The following KCNMB4 variants were observed in gnomAD, a reference collection of about 807,000 sequenced individuals.
KCNMB4 encodes calcium-activated potassium channel subunit beta-4.
A neutral mutation model predicts 20.7 loss-of-function variants in KCNMB4; 3 were observed. The observed-to-expected ratio is 0.14, with a 90% confidence interval of 0.07 to 0.37. The LOEUF (loss-of-function observed/expected upper bound fraction) is 0.37, where lower values mean the gene tolerates loss of function less well. KCNMB4 is among the 10% of genes least tolerant of loss of function. The pLI is 1.00. For synonymous variants in KCNMB4, 110 were observed against 113.4 expected (o/e 0.97, Z 0.19); for missense variants, 168 against 265.9 (o/e 0.63, Z 2.56).
In KCNMB4 at chr12:70,409,047, G is replaced by T. The variant is rs146362390; in HGVS notation, c.464+8711G>T. Among the ~76,000 whole-genome samples, 292 of 152,146 alleles carry T rather than the reference G, an allele frequency of 1.9e-3. 3 individuals carry two copies. Among genetic ancestry groups the T allele is most frequent in the African/African-American group, 6.1e-3 (252 of 41,494 alleles). ...ACTATTCATTCTTCAATTCCCTTTG[G>T]ATCTAAAGGCCAAAAGGAGTGATCA... On this transcript the variant is annotated intron_variant, in intron 2 of 2. Transcript: ENST00000258111.
At chr12:70,427,095 A>G (rs1319260846) in intron 2 of KCNMB4, among the ~76,000 whole-genome samples, 1 of 152,194 alleles carries the variant, frequency 6.6e-6, no homozygotes, top group Non-Finnish European at 1.5e-5. Context: ...CCGTCATGCC[A>G]TTTATCCAGT....
chr12:70,378,196 T>C (rs767832232), intron 1 of KCNMB4, among the ~76,000 whole-genome samples: 7 of 152,050 alleles, frequency 4.6e-5, no homozygotes, highest in Admixed American at 6.5e-5. Flanking sequence ...CCTCAAATGA[T>C]CTGCCTGCCT....
At chr12:70,392,709 A>T (rs1382804606) in intron 1 of KCNMB4, among the ~76,000 whole-genome samples, 1 of 152,190 alleles carries the variant, frequency 6.6e-6, no homozygotes, top group Admixed American at 6.5e-5. Context: ...GGAAACCATC[A>T]TTCTCAGCAA....
Position 70,430,841 on chromosome 12 carries a change from A to G in KCNMB4, c.*188A>G. On this transcript the variant is annotated 3_prime_UTR_variant, in exon 3 of 3. Transcript: ENST00000258111. ...CTTGGAACCTCAAAGCTTGTATTCC[A>G]TCTGCTGTAGCAATGGCTAAAGGGT... The G allele has an allele frequency of 1.8e-6, 1 of 540,958 alleles. No homozygotes were observed. Among genetic ancestry groups the G allele is most frequent in the Non-Finnish European group, 3.2e-6 (1 of 317,038 alleles). The allele number at this position is 540,958 out of a possible 1,614,324, so 33.5% of individuals were successfully genotyped here.
intron 2 of KCNMB4, chr12:70,422,577 A>G (rs1408285652): frequency 1.8e-6 from 1 of 563,542 alleles, no homozygotes. Flanking sequence ...TGTATTTTCA[A>G]TGGAAGAGCA....
intron 2 of KCNMB4, among the ~76,000 whole-genome samples, chr12:70,406,067 TAA>T (rs1868592007): frequency 6.6e-6 from 1 of 152,106 alleles, no homozygotes; most frequent in Non-Finnish European, 1.5e-5. Context: ...ATGAAGTATC[TAA>T]AATAGTCAAA....
intron 1 of KCNMB4, among the ~76,000 whole-genome samples, chr12:70,385,361 A>G (rs1303836312): frequency 6.6e-6 from 1 of 152,156 alleles, no homozygotes; most frequent in East Asian, 1.9e-4. Context: ...CTACCTCCTC[A>G]ATCTGTTGAG....
Position 70,430,842 on chromosome 12 carries a change from T to C in KCNMB4, c.*189T>C. The C allele has an allele frequency of 1.9e-6, 1 of 537,962 alleles. No homozygotes were observed. Among genetic ancestry groups the C allele is most frequent in the Non-Finnish European group, 3.2e-6 (1 of 314,838 alleles). The allele number at this position is 537,962 out of a possible 1,614,324, so 33.3% of individuals were successfully genotyped here. A position where few individuals can be genotyped will look rare whatever the true frequency, so the allele number is the denominator to read the frequency against. On this transcript the variant is annotated 3_prime_UTR_variant, in exon 3 of 3. Transcript: ENST00000258111. ...TTGGAACCTCAAAGCTTGTATTCCA[T>C]CTGCTGTAGCAATGGCTAAAGGGTC...
chr12:70,400,102 C>T (rs1350471107), intron 1 of KCNMB4, 107 bp from the exon 2 acceptor site: 1 of 825,246 alleles, frequency 1.2e-6, no homozygotes, highest in Admixed American at 3.1e-5. Context: ...ATTAGGGAGG[C>T]CTAAATTAGA....
intron 2 of KCNMB4, chr12:70,422,914 C>A: frequency 9.9e-7 from 1 of 1,008,736 alleles, no homozygotes; most frequent in Non-Finnish European, 1.2e-6. Context: ...TTTCCCCAGG[C>A]CTCTACTTTA....
At chr12:70,427,542 A>G (rs1869245521) in intron 2 of KCNMB4, among the ~76,000 whole-genome samples, 1 of 152,258 alleles carries the variant, frequency 6.6e-6, no homozygotes, top group Non-Finnish European at 1.5e-5. Context: ...TGAAGTAATT[A>G]CAAATTCAGT....
intron 1 of KCNMB4, among the ~76,000 whole-genome samples, chr12:70,391,551 C>T (rs1388986223): frequency 6.6e-6 from 1 of 152,212 alleles, no homozygotes; most frequent in Admixed American, 6.5e-5. Context: ...AGCAGTCCCC[C>T]TGCCTTGGCC....
intron 2 of KCNMB4, among the ~76,000 whole-genome samples, chr12:70,411,916 G>A (rs1868789679): frequency 6.6e-6 from 1 of 152,170 alleles, no homozygotes; most frequent in Non-Finnish European, 1.5e-5. Flanking sequence ...TTAGAAAGAT[G>A]AGTCTAGTGG....
intron 2 of KCNMB4, among the ~76,000 whole-genome samples, chr12:70,424,441 A>AG (rs1424260556): frequency 4.1e-5 from 2 of 48,930 alleles, no homozygotes; most frequent in Non-Finnish European, 7.4e-5. Context: ...ACTCCATCTC[A>AG]GAAAAAAAAA....
intron 1 of KCNMB4, among the ~76,000 whole-genome samples, chr12:70,384,622 T>C (rs1481049739): frequency 1.3e-5 from 2 of 152,218 alleles, no homozygotes; most frequent in African/African-American, 2.4e-5. Flanking sequence ...TAGTGGCTCA[T>C]GCCTGTAATC....
At chr12:70,368,792 T>C (rs1883539853) in intron 1 of KCNMB4, among the ~76,000 whole-genome samples, 1 of 152,152 alleles carries the variant, frequency 6.6e-6, no homozygotes. Flanking sequence ...AATAAATGGC[T>C]AATATCTAAT....
intron 2 of KCNMB4, among the ~76,000 whole-genome samples, chr12:70,408,208 C>T (rs1449867718): frequency 1.3e-5 from 2 of 152,074 alleles, no homozygotes; most frequent in African/African-American, 4.8e-5. Context: ...CGGAGTTTGG[C>T]TCTTTTACCA....
intron 2 of KCNMB4, among the ~76,000 whole-genome samples, chr12:70,419,566 A>G (rs530497282): frequency 6.6e-6 from 1 of 152,346 alleles, no homozygotes; most frequent in African/African-American, 2.4e-5. Flanking sequence ...AATTAAAAAA[A>G]AATATTCAAA....
intron 1 of KCNMB4, among the ~76,000 whole-genome samples, chr12:70,376,638 C>T (rs1375875718): frequency 6.6e-6 from 1 of 151,722 alleles, no homozygotes; most frequent in African/African-American, 2.4e-5. Flanking sequence ...GAGGCCAAAG[C>T]AGGAGGACCG....
Sources: gnomAD v4.1 joint callset for allele counts (sites outside exome capture counted in the v4.1 genomes callset) on GRCh38, gnomAD v4.1.1 for gene constraint, MANE v1.5 for transcripts, NCBI Gene and HGNC (gene_info 2026-07-23, HGNC 2026-07-21) for gene names.